DET1: variants seen among roughly 807,000 people sequenced by gnomAD.
DET1 encodes the protein DET1 partner of COP1 E3 ubiquitin ligase.
In DET1, 22 loss-of-function variants were observed where a neutral mutation model predicts 43.7. The ratio of observed to expected loss-of-function variants is 0.50; its 90% confidence interval spans 0.36 to 0.72. The LOEUF (loss-of-function observed/expected upper bound fraction) is 0.72. Among genes scored for constraint, DET1 ranks in the 30% least tolerant of loss-of-function variants. DET1 has a pLI of 0.00. For missense variants in DET1, 713 were observed against 713.3 expected (o/e 1.00, Z 0.00); for synonymous variants, 315 against 266.2 (o/e 1.18, Z -1.79).
At position 88,530,813 on chromosome 15, in the gene DET1, C is replaced by T. The variant is rs912398551; in HGVS notation, c.893G>A (p.Arg298Gln). 1.4e-5 allele frequency: 22 copies of T among 1,613,818 alleles called. No homozygotes were observed. Among genetic ancestry groups the T allele is most frequent in the Admixed American group, 1.7e-5 (1 of 59,990 alleles). Residue 298 changes from arginine to glutamine, a missense_variant, in exon 2 of 5, where the codon CGG becomes CAG. Coordinates refer to ENST00000268148, the MANE Select transcript of DET1 (RefSeq NM_001144074.3). ...RDPFINSLKH[R>Q]LLVYLWRRAE... The stretch of plus-strand genomic sequence containing the variant: ...CCGGCGCCACAAATATACCAGCAAC[C>T]GGTGTTTGAGGGAATTGATGAAAGG...
intron 8 of DET1, chr15:88,503,059 T>A (rs2056104203): frequency 6.6e-6 from 1 of 152,030 alleles, no homozygotes; most frequent in Non-Finnish European, 1.5e-5. Context: ...AGGCTAGGAG[T>A]TGGAGACCAG....
rs199964062 is a variant in DET1 at position 88,538,433 on chromosome 15, C to T, written c.-10-6718G>A. Among the ~76,000 whole-genome samples the T allele has an allele frequency of 4.4e-4, 66 of 151,402 alleles. 1 individual carries two copies. The East Asian group carries it at 0.013, about 29-fold the overall frequency. The stretch of plus-strand genomic sequence containing the variant: ...TGTTTACTTTCCTGTAACCATTTAT[C>T]CTTTTAACTTTTTGACTACCTAACT... On this transcript the variant is annotated intron_variant, in intron 1 of 4. Transcript: ENST00000268148.
intron 1 of DET1, among the ~76,000 whole-genome samples, chr15:88,534,832 A>T (rs1201212659): frequency 6.6e-6 from 1 of 152,228 alleles, no homozygotes; most frequent in Non-Finnish European, 1.5e-5. Context: ...CCAAGCCAAA[A>T]ATCACCAACA....
chr15:88,505,357 T>C (rs2142243108), intron 7 of DET1: 1 of 152,358 alleles, frequency 6.6e-6, no homozygotes, highest in East Asian at 1.9e-4. Flanking sequence ...TGGGTATCTT[T>C]CTTTCTTAGT....
chr15:88,522,517 T>TTTTTTTTTTTTTTTTG (rs1555427981), intron 3 of DET1, among the ~76,000 whole-genome samples: 1 of 136,606 alleles, frequency 7.3e-6, no homozygotes, highest in Non-Finnish European at 1.6e-5. Flanking sequence ...TCCTGGTTTT[T>TTTTTTTTTTTTTTTTG]TTTTTTTTTT....
At chr15:88,513,331 G>C (rs768804594) in intron 4 of DET1, among the ~76,000 whole-genome samples, 191 bp from the exon 5 acceptor site, 4 of 152,194 alleles carry the variant, frequency 2.6e-5, no homozygotes, top group Non-Finnish European at 5.9e-5. Context: ...TTAGTGAAGA[G>C]TGATTATAAA....
At chr15:88,538,730 G>C (rs2057016768) in intron 1 of DET1, among the ~76,000 whole-genome samples, 1 of 152,096 alleles carries the variant, frequency 6.6e-6, no homozygotes. Flanking sequence ...GCTCAGAGGG[G>C]GTTACCACCT....
chr15:88,534,715 C>G (rs1321665748), intron 1 of DET1, among the ~76,000 whole-genome samples: 1 of 152,146 alleles, frequency 6.6e-6, no homozygotes, highest in African/African-American at 2.4e-5. Context: ...GGGACAGATC[C>G]AAATAGCACT....
At chr15:88,521,470 C>T (rs1400406698) in intron 3 of DET1, among the ~76,000 whole-genome samples, 1 of 152,198 alleles carries the variant, frequency 6.6e-6, no homozygotes, top group Non-Finnish European at 1.5e-5. Flanking sequence ...GACAGTCATT[C>T]TGCAAATTCC....
At chr15:88,518,327 T>A (rs772845855) in intron 3 of DET1, among the ~76,000 whole-genome samples, 8 of 151,768 alleles carry the variant, frequency 5.3e-5, no homozygotes, top group Admixed American at 2.0e-4. Flanking sequence ...TGCAGAAAAA[T>A]CTCTGTGTAC....
At chr15:88,511,183 C>A (rs532520911), downstream of DET1, among the ~76,000 whole-genome samples, 8 of 152,280 alleles carry the variant, frequency 5.3e-5, no homozygotes, top group Non-Finnish European at 1.0e-4. Context: ...AGCATTCACA[C>A]CCTCCTGTTC....
At chr15:88,510,761 T>G (rs549653858), downstream of DET1, among the ~76,000 whole-genome samples, 36 of 147,526 alleles carry the variant, frequency 2.4e-4, no homozygotes, top group South Asian at 2.1e-3. Flanking sequence ...GTTGTTTTGT[T>G]TTTTTTTTTG....
chr15:88,511,664 T>C (rs2056202889), downstream of DET1: 2 of 960,344 alleles, frequency 2.1e-6, no homozygotes, highest in Non-Finnish European at 1.2e-6. Context: ...CTTGGCATCC[T>C]GACATAGTTT....
chr15:88,538,043 T>C (rs2056997797), intron 1 of DET1, among the ~76,000 whole-genome samples: 1 of 152,220 alleles, frequency 6.6e-6, no homozygotes, highest in South Asian at 2.1e-4. Context: ...GGTCATGCGG[T>C]ATTTTCAGAG....
intron 1 of DET1, among the ~76,000 whole-genome samples, chr15:88,545,138 G>A (rs1018059154): frequency 4.0e-5 from 6 of 151,876 alleles, no homozygotes; most frequent in African/African-American, 1.5e-4. Context: ...ATCTTCATTC[G>A]GTAACTCGTG....
chr15:88,512,941 G>A lies in DET1; in HGVS notation c.*10C>T. 2 of 1,612,054 alleles carry A rather than the reference G, an allele frequency of 1.2e-6. No homozygotes were observed. The highest frequency in any genetic ancestry group is 2.2e-5 in the East Asian group (1 of 44,840). ...TTGGAAGACCAGATAATCTGGCTCT[G>A]GTGAGGCACCTACGTGCAGCAGTGT... On this transcript the variant is annotated 3_prime_UTR_variant, in exon 5 of 5. Transcript: ENST00000268148.
chr15:88,523,692 CG>C (rs1367276135), intron 3 of DET1, among the ~76,000 whole-genome samples: 2 of 152,082 alleles, frequency 1.3e-5, no homozygotes, highest in Non-Finnish European at 2.9e-5. Flanking sequence ...CTGCCCGCCT[CG>C]GCCTCCCGAG....
At chr15:88,514,094 C>T (rs997838762) in intron 4 of DET1, among the ~76,000 whole-genome samples, 1 of 149,990 alleles carries the variant, frequency 6.7e-6, no homozygotes, top group Non-Finnish European at 1.5e-5. Flanking sequence ...CCACCGCGCC[C>T]GGCCAGAATA....
intron 3 of DET1, among the ~76,000 whole-genome samples, chr15:88,523,571 C>A (rs2056563870): frequency 6.6e-6 from 1 of 152,160 alleles, no homozygotes; most frequent in Non-Finnish European, 1.5e-5. Flanking sequence ...TACCGAGTGC[C>A]TGGGATTGCA....
Sources: allele counts gnomAD v4.1 joint callset (sites outside exome capture counted in the v4.1 genomes callset), GRCh38; gene constraint gnomAD v4.1.1; transcripts MANE v1.5; gene names NCBI Gene and HGNC (gene_info 2026-07-23, HGNC 2026-07-21).